Variants in MED12L observed in about 807,000 individuals in gnomAD.
MED12L encodes mediator complex subunit 12L.
MED12L carries 60 observed loss-of-function variants against 281.3 expected under a neutral mutation model. The observed-to-expected ratio is 0.21, with a 90% CI of 0.17 to 0.26. MED12L has a LOEUF of 0.26. Ranked by LOEUF, MED12L falls within the 10% of genes least tolerant of loss-of-function variation. The pLI, the probability that MED12L is intolerant of heterozygous loss-of-function variation, is 1.00. For synonymous variants in MED12L, 974 were observed against 987.2 expected, an observed-to-expected ratio of 0.99 and a Z score of 0.25; for missense variants, 2,146 against 2,680.9, an observed-to-expected ratio of 0.80 and a Z score of 4.41.
Position 151,372,726 on chromosome 3 carries a change from G to A in MED12L, c.3824G>A (p.Arg1275Lys). The A allele has an allele frequency of 6.2e-7, 1 of 1,613,840 alleles. No homozygotes were observed. The highest frequency in any genetic ancestry group is 8.5e-7 in the Non-Finnish European group (1 of 1,179,792). Residue 1275 changes from arginine (R) to lysine (K), a missense_variant, in exon 27 of 45, where the codon AGA becomes AAA. By Grantham distance (26) the Arg-to-Lys change is conservative. Transcript: ENST00000687756. ...ATTTCCATAGAAACTGCCAATTTAA[G>A]AGAATACGCTAGATATGTACTGAGG... Reference protein sequence around the residue: ...KSISIETANLREYARYVLRTI... With the variant: ...KSISIETANLKEYARYVLRTI...
intron 8 of MED12L, among the ~76,000 whole-genome samples, chr3:151,160,489 C>T (rs1008581723): frequency 6.6e-6 from 1 of 152,180 alleles, no homozygotes; most frequent in Non-Finnish European, 1.5e-5. Flanking sequence ...AAGTCCAAAT[C>T]GTATCGGGTT....
At chr3:151,300,174 GCAT>G (rs1745711739) in intron 16 of MED12L, 1 of 1,001,342 alleles carries the variant, frequency 1.0e-6, no homozygotes, top group African/African-American at 1.6e-5. Context: ...CGTGGGTTCA[GCAT>G]AGGTTATTCC....
intron 16 of MED12L, among the ~76,000 whole-genome samples, chr3:151,210,135 A>G (rs1406026308): frequency 6.6e-6 from 1 of 152,204 alleles, no homozygotes; most frequent in African/African-American, 2.4e-5. Context: ...CACACCCTCC[A>G]GATAATTTTT....
chr3:151,099,444 A>C (rs1019217193), intron 2 of MED12L, among the ~76,000 whole-genome samples: 1 of 152,200 alleles, frequency 6.6e-6, no homozygotes, highest in African/African-American at 2.4e-5. Flanking sequence ...TTCATGTTAA[A>C]CTGTGTTTTT....
chr3:151,395,168 CCTT>C (rs979897705), intron 39 of MED12L, among the ~76,000 whole-genome samples: 7 of 152,116 alleles, frequency 4.6e-5, no homozygotes, highest in Non-Finnish European at 7.4e-5. Context: ...CTTGAGGTGA[CCTT>C]CTCTGAGCCC....
chr3:151,423,426 G>A (rs1276544662), intron 43 of MED12L, among the ~76,000 whole-genome samples: 1 of 152,082 alleles, frequency 6.6e-6, no homozygotes, highest in African/African-American at 2.4e-5. Context: ...AGAAAACAGA[G>A]TTTTTCTGTG....
chr3:151,431,878 A>G (rs2108492265), intron 44 of MED12L, among the ~76,000 whole-genome samples: 1 of 152,298 alleles, frequency 6.6e-6, no homozygotes, highest in African/African-American at 2.4e-5. Flanking sequence ...TACTGTTCCC[A>G]CATTACAGAT....
chr3:151,375,812 GTT>G (rs1560097514), intron 27 of MED12L, among the ~76,000 whole-genome samples: 1 of 151,856 alleles, frequency 6.6e-6, no homozygotes, highest in African/African-American at 2.4e-5. Context: ...ATTAAAAAAT[GTT>G]TTTAAGCAAG....
In MED12L at chr3:151,087,000, AC is replaced by A; in HGVS notation, c.77del (p.Pro26HisfsTer14). 6.2e-7 allele frequency: 1 copy of A among 1,609,944 alleles called. No homozygotes were observed. The highest frequency in any genetic ancestry group is 8.5e-7 in the Non-Finnish European group (1 of 1,178,878). ...CCCCGGCTCGGGCCGCCCGACGTCTACCCACAGGACCCCAAGCAGAAGGAGG... is the reference window on the plus strand; with the variant it reads ...CCCCGGCTCGGGCCGCCCGACGTCTACCACAGGACCCCAAGCAGAAGGAGG... Reference protein sequence around the residue: ...KRPRLGPPDVYPQDPKQKEDE... With the variant: ...KRPRLGPPDVXPQDPKQKEDE... On this transcript the variant is annotated frameshift_variant, in exon 2 of 45. Transcript: ENST00000687756. LOFTEE classifies it high-confidence loss of function.
At chr3:151,272,927 A>T (rs1468263979) in intron 16 of MED12L, among the ~76,000 whole-genome samples, 5 of 152,304 alleles carry the variant, frequency 3.3e-5, no homozygotes, top group Admixed American at 6.5e-5. Flanking sequence ...GAGTATCCCT[A>T]ATCCCAAAAT....
At chr3:151,358,210 T>C (rs1034146383) in intron 20 of MED12L, among the ~76,000 whole-genome samples, 2 of 152,194 alleles carry the variant, frequency 1.3e-5, no homozygotes, top group African/African-American at 4.8e-5. Context: ...GCTACCTTTA[T>C]TTGTATTAAT....
chr3:151,165,831 A>T lies in MED12L; in HGVS notation c.1358-15A>T. On this transcript the variant is annotated splice_polypyrimidine_tract_variant and intron_variant, in intron 10 of 44. Transcript: ENST00000687756. The stretch of plus-strand genomic sequence containing the variant: ...TTTTGGCCTCATTAACCACTTGTTT[A>T]ATTTCTGCCTATAGGGGTGACTATT... 6.2e-7 allele frequency: 1 copy of T among 1,606,952 alleles called. No individual in the cohort carries two copies. Among genetic ancestry groups the T allele is most frequent in the Non-Finnish European group, 8.5e-7 (1 of 1,177,500 alleles).
intron 2 of MED12L, among the ~76,000 whole-genome samples, chr3:151,089,124 A>G (rs928600905): frequency 2.0e-5 from 3 of 152,178 alleles, no homozygotes; most frequent in Non-Finnish European, 4.4e-5. Flanking sequence ...CTAATTTTTT[A>G]AGAAACTTTG....
chr3:151,338,809 TA>T (rs775742312), intron 16 of MED12L: 1 of 1,613,838 alleles, frequency 6.2e-7, no homozygotes, highest in South Asian at 1.1e-5. Flanking sequence ...AGACTGGTGT[TA>T]CCAGGCGCAG....
At chr3:151,171,751 C>T (rs1051408327) in intron 11 of MED12L, among the ~76,000 whole-genome samples, 2 of 152,182 alleles carry the variant, frequency 1.3e-5, no homozygotes, top group Non-Finnish European at 1.5e-5. Context: ...CAGGCCCAGC[C>T]AGGTTTGTAT....
Position 151,432,954 on chromosome 3 carries a change from AGGTGTTTAAAC to A in MED12L, c.*151_*161del. On this transcript the variant is annotated 3_prime_UTR_variant, in exon 45 of 45. Coordinates refer to ENST00000687756, the MANE Select transcript of MED12L (RefSeq NM_001393769.1). ...TGCTACATCTCACAAAAAAAAAAAA[AGGTGTTTAAAC>A]AAAAAGCCAAGGAGAAGTTGTGGTT... The A allele has an allele frequency of 9.6e-6, 5 of 521,878 alleles. No individual in the cohort carries two copies. The highest frequency in any genetic ancestry group is 5.2e-4 in the Middle Eastern group (1 of 1,906). The allele number at this position is 521,878 out of a possible 1,614,324, so 32.3% of individuals were successfully genotyped here.
intron 4 of MED12L, among the ~76,000 whole-genome samples, chr3:151,123,944 A>C (rs1714134151): frequency 1.3e-5 from 2 of 152,216 alleles, no homozygotes; most frequent in Non-Finnish European, 2.9e-5. Flanking sequence ...GAAGAGTGTA[A>C]CAGTCAGCAT....
At chr3:151,270,235 G>GTGTGTGTA (rs1740665232) in intron 16 of MED12L, 1 of 155,026 alleles carries the variant, frequency 6.5e-6, no homozygotes, top group African/African-American at 2.5e-5. Flanking sequence ...GTGTGTGTGT[G>GTGTGTGTA]TGTGTGTTTT....
At chr3:151,247,572 TG>T (rs1735862770) in intron 16 of MED12L, among the ~76,000 whole-genome samples, 1 of 128,720 alleles carries the variant, frequency 7.8e-6, no homozygotes, top group Non-Finnish European at 1.6e-5. Context: ...TGAGATCACA[TG>T]GACACAGGAA....
Sources: allele counts gnomAD v4.1 joint callset (sites outside exome capture counted in the v4.1 genomes callset), GRCh38; gene constraint gnomAD v4.1.1; transcripts MANE v1.5; gene names NCBI Gene and HGNC (gene_info 2026-07-23, HGNC 2026-07-21).